The following LRRC4C variants were observed in gnomAD, a reference collection of about 807,000 sequenced individuals.
LRRC4C encodes leucine-rich repeat-containing protein 4C.
In LRRC4C, 5 loss-of-function variants were observed where a neutral mutation model predicts 33.6. That is an observed-to-expected ratio of 0.15 (90% confidence interval 0.08 to 0.31). The LOEUF (loss-of-function observed/expected upper bound fraction) is 0.31, where lower values mean the gene tolerates loss of function less well. Ranked by LOEUF, LRRC4C falls within the 10% of genes least tolerant of loss-of-function variation. The pLI, the probability that LRRC4C is intolerant of heterozygous loss-of-function variation, is 1.00. For missense variants in LRRC4C, 560 were observed against 796.7 expected (o/e 0.70, Z 3.58); for synonymous variants, 329 against 302.0 (o/e 1.09, Z -0.93).
At chr11:40,415,247 T>C (rs1439907369) in intron 3 of LRRC4C, among the ~76,000 whole-genome samples, 1 of 152,224 alleles carries the variant, frequency 6.6e-6, no homozygotes, top group Non-Finnish European at 1.5e-5. Flanking sequence ...GATTCACCAG[T>C]ATAGAATTTG....
intron 5 of LRRC4C, among the ~76,000 whole-genome samples, chr11:40,204,394 C>T (rs1247528600): frequency 1.3e-5 from 2 of 152,092 alleles, no homozygotes; most frequent in African/African-American, 2.4e-5. Flanking sequence ...ATGTCCCTTT[C>T]CTTATAGCAT....
At chr11:40,439,210 G>GA (rs1363136860) in intron 3 of LRRC4C, among the ~76,000 whole-genome samples, 2 of 151,700 alleles carry the variant, frequency 1.3e-5, no homozygotes, top group African/African-American at 4.8e-5. Flanking sequence ...AAAGTGCTGG[G>GA]ATTAGAGGCG....
At chr11:40,743,214 A>G (rs1193736843) in intron 2 of LRRC4C, among the ~76,000 whole-genome samples, 2 of 152,234 alleles carry the variant, frequency 1.3e-5, no homozygotes, top group Non-Finnish European at 2.9e-5. Context: ...CAGTGAAAGC[A>G]TGCATTTAAT....
intron 3 of LRRC4C, among the ~76,000 whole-genome samples, chr11:40,355,425 G>T (rs1947613419): frequency 6.6e-6 from 1 of 152,078 alleles, no homozygotes; most frequent in Admixed American, 6.6e-5. Flanking sequence ...AGCCTAAACT[G>T]CCTTTCAAGT....
chr11:41,394,356 T>C (rs866408712), intron 1 of LRRC4C, among the ~76,000 whole-genome samples: 1 of 151,936 alleles, frequency 6.6e-6, no homozygotes, highest in Non-Finnish European at 1.5e-5. Context: ...TTAATCTAAT[T>C]TGCAAATTTG....
In LRRC4C at chr11:40,345,208, C is replaced by A. The variant is rs1947068832; in HGVS notation, c.-269-25487G>T. On this transcript the variant is annotated intron_variant, in intron 3 of 6. Coordinates refer to ENST00000528697, the MANE Select transcript of LRRC4C (RefSeq NM_001258419.2). ...AATTCAAAAATACTATTCTAAAATT[C>A]ATATGGAACCAGAAAAGATCCCAAA... is the stretch of plus-strand genomic sequence containing the variant. 2.0e-5 allele frequency among the ~76,000 whole-genome samples: 3 copies of A among 152,040 alleles called. No homozygotes were observed. In the South Asian group the frequency reaches 6.2e-4, roughly 31 times the overall value.
intron 3 of LRRC4C, among the ~76,000 whole-genome samples, chr11:40,394,284 T>A (rs1176196087): frequency 6.6e-6 from 1 of 152,172 alleles, no homozygotes. Context: ...CTCTTGTTTG[T>A]ATACACACAG....
At chr11:41,042,636 T>G (rs999216063) in intron 1 of LRRC4C, among the ~76,000 whole-genome samples, 2 of 152,182 alleles carry the variant, frequency 1.3e-5, no homozygotes, top group Admixed American at 6.5e-5. Context: ...ATCAATTTTG[T>G]CTTAGATCTT....
chr11:41,334,693 A>T (rs1006169402), intron 1 of LRRC4C, among the ~76,000 whole-genome samples: 22 of 152,062 alleles, frequency 1.4e-4, no homozygotes, highest in African/African-American at 4.6e-4. Context: ...TAATTTTTTT[A>T]AAAAAACAAT....
chr11:41,450,561 T>C (rs72898547), intron 1 of LRRC4C, among the ~76,000 whole-genome samples: 3 of 152,264 alleles, frequency 2.0e-5, no homozygotes, highest in Non-Finnish European at 4.4e-5. Flanking sequence ...AATGAGTTTT[T>C]ATCTTGGGCA....
At chr11:40,540,743 G>T (rs2135383460) in intron 3 of LRRC4C, among the ~76,000 whole-genome samples, 1 of 152,258 alleles carries the variant, frequency 6.6e-6, no homozygotes, top group East Asian at 1.9e-4. Flanking sequence ...AATCTCAGCA[G>T]AAGTAGATTC....
In LRRC4C at chr11:41,059,621, T is replaced by A. The variant is rs866878343; in HGVS notation, c.-495-125898A>T. Among the ~76,000 whole-genome samples, 7 of 152,282 alleles carry A rather than the reference T, an allele frequency of 4.6e-5. No homozygotes were observed. In the South Asian group the frequency reaches 1.0e-3, roughly 23 times the overall value. ...TACACCTTTTAGAGTCTTTACAGACTCCCCTTATGTAGGTTGTGCCTGTGC... is the reference window on the plus strand; with the variant it reads ...TACACCTTTTAGAGTCTTTACAGACACCCCTTATGTAGGTTGTGCCTGTGC... On this transcript the variant is annotated intron_variant, in intron 1 of 6. Transcript: ENST00000528697.
chr11:40,205,680 C>T (rs569035260), intron 5 of LRRC4C, among the ~76,000 whole-genome samples: 1 of 152,296 alleles, frequency 6.6e-6, no homozygotes, highest in East Asian at 1.9e-4. Context: ...CCCACGTTCT[C>T]ACCCCTGTCA....
At chr11:40,148,155 G>A (rs3109376) in intron 5 of LRRC4C, among the ~76,000 whole-genome samples, 93,477 of 152,068 alleles carry the variant, frequency 0.61, 29,815 homozygotes, top group Non-Finnish European at 0.71. Context: ...TGTCTTTGCT[G>A]TTGTGAACAG....
intron 3 of LRRC4C, among the ~76,000 whole-genome samples, chr11:40,642,897 C>T (rs11035987): frequency 6.6e-6 from 1 of 152,194 alleles, no homozygotes. Flanking sequence ...ATCAAAATAT[C>T]TACAAAAATG....
At chr11:41,358,229 T>C (rs1952230862) in intron 1 of LRRC4C, among the ~76,000 whole-genome samples, 2 of 152,204 alleles carry the variant, frequency 1.3e-5, no homozygotes, top group South Asian at 4.1e-4. Flanking sequence ...CACAGAATCT[T>C]AGACTCTTTG....
chr11:41,330,486 C>T (rs959118911), intron 1 of LRRC4C, among the ~76,000 whole-genome samples: 2 of 152,102 alleles, frequency 1.3e-5, no homozygotes, highest in East Asian at 1.9e-4. Context: ...TGTATCATGA[C>T]ATTAGATGCC....
chr11:40,762,200 A>G (rs2137079738), intron 2 of LRRC4C, among the ~76,000 whole-genome samples: 1 of 152,280 alleles, frequency 6.6e-6, no homozygotes, highest in South Asian at 2.1e-4. Context: ...TGGCCTGTGG[A>G]GAAATGTAAC....
At chr11:40,153,479 A>C (rs2135142462) in intron 5 of LRRC4C, among the ~76,000 whole-genome samples, 1 of 152,336 alleles carries the variant, frequency 6.6e-6, no homozygotes, top group East Asian at 1.9e-4. Flanking sequence ...GAGGTTAGTT[A>C]TTAAGCTAAT....
Sources: allele counts gnomAD v4.1 joint callset (sites outside exome capture counted in the v4.1 genomes callset), GRCh38; gene constraint gnomAD v4.1.1; transcripts MANE v1.5; gene names NCBI Gene and HGNC (gene_info 2026-07-23, HGNC 2026-07-21).